The following SLC6A16 variants were observed in gnomAD, a reference collection of about 807,000 sequenced individuals.
SLC6A16 encodes solute carrier family 6 member 16.
SLC6A16 carries 54 observed loss-of-function variants against 65.4 expected under a neutral mutation model. The observed-to-expected ratio is 0.83, with a 90% CI of 0.66 to 1.04. The LOEUF (loss-of-function observed/expected upper bound fraction) is 1.04, where lower values mean the gene tolerates loss of function less well. Ranked by LOEUF, SLC6A16 falls within the 50% of genes least tolerant of loss-of-function variation. The probability of loss-of-function intolerance (pLI) is 0.00; values close to 1 mark genes in which losing one functional copy is unlikely to be tolerated. For synonymous variants in SLC6A16, 330 were observed against 346.5 expected, an observed-to-expected ratio of 0.95 and a Z score of 0.53; for missense variants, 816 against 914.0, an observed-to-expected ratio of 0.89 and a Z score of 1.38.
chr19:49,326,773 C>T (rs893236261), upstream of SLC6A16, among the ~76,000 whole-genome samples: 5 of 152,050 alleles, frequency 3.3e-5, no homozygotes, highest in Non-Finnish European at 7.4e-5. Flanking sequence ...AATCCCAGCA[C>T]TTTGGGAGGC....
chr19:49,300,685 C>T (rs1237315471), intron 7 of SLC6A16, among the ~76,000 whole-genome samples: 1 of 152,114 alleles, frequency 6.6e-6, no homozygotes, highest in African/African-American at 2.4e-5. Context: ...TATTTCCTAT[C>T]ATGATGGCAG....
chr19:49,302,870 T>A (rs1430621412), intron 7 of SLC6A16, among the ~76,000 whole-genome samples: 1 of 152,140 alleles, frequency 6.6e-6, no homozygotes, highest in East Asian at 1.9e-4. Context: ...CTTCAACAGC[T>A]GACTAGAAAA....
rs762291506 is a variant in SLC6A16 at position 49,311,253 on chromosome 19, C to T, written c.95G>A (p.Trp32Ter). Residue 32 changes from tryptophan to a stop codon, truncating the protein, a stop_gained, in exon 2 of 12, where the codon TGG (tryptophan) becomes TAG (stop). Transcript: ENST00000335875. LOFTEE classifies it high-confidence loss of function. ...ISDSVPGSQT[W>*]EDKGSLTRSA... ...CCGGGTCAATGAACCCTTGTCTTCC[C>T]ACGTTTGACTTCCTGGGACACTGTC... 1.1e-5 allele frequency: 18 copies of T among 1,613,906 alleles called. No homozygotes were observed. Among genetic ancestry groups the T allele is most frequent in the Admixed American group, 5.0e-5 (3 of 59,964 alleles).
upstream of SLC6A16, among the ~76,000 whole-genome samples, chr19:49,326,929 G>T (rs1970804363): frequency 6.6e-6 from 1 of 151,340 alleles, no homozygotes; most frequent in South Asian, 2.1e-4. Context: ...TGAGGCACAA[G>T]AATCACTTAA....
intron 7 of SLC6A16, among the ~76,000 whole-genome samples, chr19:49,307,067 G>T (rs118007020): frequency 0.12 from 2,230 of 18,524 alleles, 2 homozygotes; most frequent in African/African-American, 0.18. Context: ...TTTTTTTTTT[G>T]TTAGAGGAAG....
In SLC6A16 at chr19:49,290,412, G is replaced by C. The variant is rs374550266; in HGVS notation, c.1942-20C>G. 9.6e-5 allele frequency: 154 copies of C among 1,601,216 alleles called. No homozygotes were observed. Among genetic ancestry groups the C allele is most frequent in the Non-Finnish European group, 1.3e-4 (150 of 1,172,832 alleles). ...TTTTGACTGTGGAGAGATGGGAAAA[G>C]GGTTCAGAATATCAAAATCCCCAAG... On this transcript the variant is annotated intron_variant, in intron 11 of 11. Coordinates refer to ENST00000335875, the MANE Select transcript of SLC6A16 (RefSeq NM_014037.3).
At chr19:49,339,524 G>A in the SLC6A16 span, 1 of 1,455,840 alleles carries the variant, frequency 6.9e-7, no homozygotes, top group Non-Finnish European at 9.3e-7. This position sits in a 1 kb window ranked among gnomAD's most constrained non-coding sequence, Gnocchi z 4.5. Context: ...GCGGAGCGCA[G>A]CCCACCCCGG....
chr19:49,329,039 A>G (rs1970823897), upstream of SLC6A16, among the ~76,000 whole-genome samples: 1 of 152,156 alleles, frequency 6.6e-6, no homozygotes, highest in Non-Finnish European at 1.5e-5. Flanking sequence ...AAATCATCCA[A>G]CTAAGCTGCT....
chr19:49,337,498 T>C, the SLC6A16 span: 6 of 645,662 alleles, frequency 9.3e-6, no homozygotes, highest in Non-Finnish European at 1.5e-5. Flanking sequence ...GGTGTGCACC[T>C]GGGGTCCCAG....
Position 49,293,294 on chromosome 19 carries a change from C to A in SLC6A16, c.1707G>T (p.Trp569Cys). 2 of 1,614,134 alleles carry A rather than the reference C, an allele frequency of 1.2e-6. No individual in the cohort carries two copies. Among genetic ancestry groups the A allele is most frequent in the East Asian group, 4.5e-5 (2 of 44,884 alleles). The change falls in exon 10 of 12, where the codon TGG becomes TGT. Residue 569 changes from tryptophan (W) to cysteine (C), a missense_variant. Physicochemically the swap from Trp to Cys is radical, Grantham distance 215 (BLOSUM62 -2). Transcript: ENST00000335875. Reference sequence around the variant, plus strand: ...CAACGACGATGATGGGGAAGACTATCCAGTAGTCACTCAGCAGTCTGATGA... The same window carrying A: ...CAACGACGATGATGGGGAAGACTATACAGTAGTCACTCAGCAGTCTGATGA... Reference protein sequence around the residue: ...SYFIRLLSDYWIVFPIIVVVV... With the variant: ...SYFIRLLSDYCIVFPIIVVVV...
the SLC6A16 span, chr19:49,335,335 G>T: frequency 3.4e-6 from 2 of 595,346 alleles, no homozygotes; most frequent in Non-Finnish European, 3.0e-6. This position sits in a 1 kb window ranked among gnomAD's most constrained non-coding sequence, Gnocchi z 4.6. Flanking sequence ...GAGGGAGACA[G>T]GGACAGAGAG....
intron 5 of SLC6A16, 29 bp from the exon 6 acceptor site, chr19:49,309,440 C>T: frequency 6.5e-7 from 1 of 1,543,392 alleles, no homozygotes; most frequent in South Asian, 1.1e-5. Flanking sequence ...ATATCAGCAA[C>T]CGTGTACCAG....
rs1019222689 is a variant in SLC6A16, at chr19:49,294,658, A to G, written c.1230-105T>C. 8 of 1,074,332 alleles carry G rather than the reference A, an allele frequency of 7.4e-6. No homozygotes were observed. The African/African-American group carries it at 9.5e-5, about 13-fold the overall frequency. 66.5% of individuals were successfully genotyped at this position (1,074,332 alleles called of 1,614,324 possible). A position where few individuals can be genotyped will look rare whatever the true frequency, so the allele number is the denominator to read the frequency against. On this transcript the variant is annotated intron_variant, in intron 7 of 11. Transcript: ENST00000335875. ...AAAAGGCTATCACTGGCTTAGCATT[A>G]CTGATCTGGGTAAGATAGAGCCTGG...
chr19:49,339,914 C>G, the SLC6A16 span: 1 of 1,361,578 alleles, frequency 7.3e-7, no homozygotes, highest in African/African-American at 1.5e-5. The surrounding 1 kb of genome is among the most constrained non-coding windows in gnomAD (Gnocchi z 4.5). Flanking sequence ...GAGGACCAGC[C>G]TGACACTGGA....
At chr19:49,312,699 G>T in intron 1 of SLC6A16, 1 of 374,874 alleles carries the variant, frequency 2.7e-6, no homozygotes, top group Non-Finnish European at 3.7e-6. Context: ...CTTTCCAAAA[G>T]CAGAGGCAGT....
chr19:49,312,790 G>T (rs1461959836), intron 1 of SLC6A16, among the ~76,000 whole-genome samples: 1 of 152,098 alleles, frequency 6.6e-6, no homozygotes, highest in Admixed American at 6.5e-5. Context: ...AGAGCTCTTT[G>T]TTACACAAGA....
chr19:49,293,863 AGGTGTCCT>A lies in SLC6A16; in HGVS notation c.1574_1581del (p.Gln525LeufsTer40). ...TTTGTATGTTTCCTGAAGAAAGAGA[AGGTGTCCT>A]GGAGTGGAGTAATGATGCCCTGCAT... is the stretch of plus-strand genomic sequence containing the variant. On this transcript the variant is annotated frameshift_variant, in exon 9 of 12. Coordinates refer to ENST00000335875, the MANE Select transcript of SLC6A16 (RefSeq NM_014037.3). LOFTEE classifies it high-confidence loss of function. 1 of 1,614,084 alleles carries A rather than the reference AGGTGTCCT, an allele frequency of 6.2e-7. No individual in the cohort carries two copies. The highest frequency in any genetic ancestry group is 1.1e-5 in the South Asian group (1 of 91,080).
chr19:49,299,541 A>AT, intron 7 of SLC6A16, among the ~76,000 whole-genome samples: 1 of 113,692 alleles, frequency 8.8e-6, no homozygotes, highest in Admixed American at 9.5e-5. Context: ...GTGTAAAAAA[A>AT]AAAAAAAAGA....
chr19:49,325,359 C>T, upstream of SLC6A16: 2 of 519,404 alleles, frequency 3.9e-6, no homozygotes, highest in Non-Finnish European at 5.0e-6. Flanking sequence ...TCACGCGCCA[C>T]TCCCTTCCCC....
Sources: gnomAD v4.1 joint callset for allele counts (sites outside exome capture counted in the v4.1 genomes callset) on GRCh38, gnomAD v4.1.1 for gene constraint, Gnocchi (gnomAD v3.1) non-coding constraint, MANE v1.5 for transcripts, NCBI Gene and HGNC (gene_info 2026-07-23, HGNC 2026-07-21) for gene names.